Variants in KLHL32 observed in about 807,000 individuals in gnomAD.
The protein encoded by KLHL32 is kelch-like protein 32.
In KLHL32, 35 loss-of-function variants were observed where a neutral mutation model predicts 64.8. The observed-to-expected ratio is 0.54, with a 90% confidence interval of 0.41 to 0.72. The LOEUF is 0.72. Among genes scored for constraint, KLHL32 ranks in the 30% least tolerant of loss-of-function variants. The pLI, the probability that KLHL32 is intolerant of heterozygous loss-of-function variation, is 0.00. For missense variants in KLHL32, 589 were observed against 768.5 expected (o/e 0.77, Z 2.76); for synonymous variants, 259 against 281.0 (o/e 0.92, Z 0.78).
intron 6 of KLHL32, among the ~76,000 whole-genome samples, chr6:97,089,732 AT>A (rs1426026372): frequency 6.7e-6 from 1 of 150,146 alleles, no homozygotes; most frequent in Non-Finnish European, 1.5e-5. Context: ...GCGAGTGGAG[AT>A]TGCGCCACTA....
At chr6:97,040,066 T>C (rs926193047) in intron 3 of KLHL32, among the ~76,000 whole-genome samples, 3 of 152,034 alleles carry the variant, frequency 2.0e-5, no homozygotes, top group African/African-American at 7.2e-5. Flanking sequence ...TGAATATTGA[T>C]ACATTGGCAA....
At chr6:97,003,150 C>T (rs1330850123) in intron 3 of KLHL32, among the ~76,000 whole-genome samples, 2 of 152,114 alleles carry the variant, frequency 1.3e-5, no homozygotes, top group Non-Finnish European at 2.9e-5. Flanking sequence ...TGTAACCTTG[C>T]CAGCATCTGT....
At chr6:97,013,235 T>C (rs1218348646) in intron 3 of KLHL32, among the ~76,000 whole-genome samples, 1 of 152,228 alleles carries the variant, frequency 6.6e-6, no homozygotes, top group African/African-American at 2.4e-5. Context: ...TAATATCCAG[T>C]GTATTTCAGC....
At chr6:96,911,824 CTTTTTTTTT>C in the KLHL32 span, among the ~76,000 whole-genome samples, 2,280 of 53,996 alleles carry the variant, frequency 0.042, 24 homozygotes, top group Non-Finnish European at 0.059. Flanking sequence ...CTCGGTCCTT[CTTTTTTTTT>C]TTTTTTTTTT....
chr6:97,034,506 T>A (rs916698563), intron 3 of KLHL32, among the ~76,000 whole-genome samples: 1 of 152,096 alleles, frequency 6.6e-6, no homozygotes, highest in African/African-American at 2.4e-5. Flanking sequence ...TCTTTTGTGG[T>A]TTCATTTGAT....
intron 7 of KLHL32, among the ~76,000 whole-genome samples, chr6:97,120,490 C>T (rs189281319): frequency 1.6e-3 from 239 of 152,238 alleles, no homozygotes; most frequent in Non-Finnish European, 1.4e-3. Context: ...TTTCAAATTT[C>T]TGTCGTTTTA....
At chr6:97,052,728 C>G (rs1480505896) in intron 4 of KLHL32, among the ~76,000 whole-genome samples, 1 of 152,114 alleles carries the variant, frequency 6.6e-6, no homozygotes, top group Non-Finnish European at 1.5e-5. Flanking sequence ...AGTATTGACT[C>G]GATTGAGAAG....
intron 1 of KLHL32, among the ~76,000 whole-genome samples, chr6:96,948,287 T>C (rs1404533473): frequency 1.3e-5 from 2 of 152,156 alleles, no homozygotes; most frequent in Non-Finnish European, 1.5e-5. Context: ...GGAAAGTTAT[T>C]TCACCTTGTA....
At chr6:97,007,275 A>G (rs1391801493) in intron 3 of KLHL32, among the ~76,000 whole-genome samples, 1 of 152,062 alleles carries the variant, frequency 6.6e-6, no homozygotes, top group African/African-American at 2.4e-5. Flanking sequence ...CTTTGGCTTC[A>G]TCATTTCTGC....
chr6:97,081,579 C>T (rs1191584295), intron 5 of KLHL32, among the ~76,000 whole-genome samples: 2 of 152,178 alleles, frequency 1.3e-5, no homozygotes, highest in East Asian at 1.9e-4. Context: ...GGATGCTCTT[C>T]CTTCAACTCT....
intron 7 of KLHL32, 137 bp from the exon 8 acceptor site, chr6:97,127,267 T>C (rs1798969849): frequency 3.1e-6 from 2 of 654,114 alleles, no homozygotes; most frequent in Non-Finnish European, 5.3e-6. Context: ...TTCTTAATTA[T>C]GTCATGGGCT....
intron 3 of KLHL32, among the ~76,000 whole-genome samples, chr6:96,986,643 G>T (rs906817965): frequency 1.3e-5 from 2 of 152,192 alleles, no homozygotes; most frequent in African/African-American, 4.8e-5. Context: ...CAATGAGCGA[G>T]GCTTCGTGGG....
intron 6 of KLHL32, among the ~76,000 whole-genome samples, chr6:97,091,531 G>A (rs1403282442): frequency 6.6e-6 from 1 of 152,178 alleles, no homozygotes; most frequent in Non-Finnish European, 1.5e-5. Flanking sequence ...CTGATGTGGG[G>A]CTTTCCGCTT....
At chr6:96,919,914 C>T (rs547038560), upstream of KLHL32, among the ~76,000 whole-genome samples, 140 of 152,320 alleles carry the variant, frequency 9.2e-4, 1 homozygote, top group African/African-American at 3.3e-3. Flanking sequence ...TTTTATAAAA[C>T]TTGCCTCAGT....
intron 7 of KLHL32, among the ~76,000 whole-genome samples, chr6:97,116,691 C>T (rs1297818856): frequency 1.3e-5 from 2 of 152,108 alleles, no homozygotes; most frequent in Admixed American, 6.6e-5. Context: ...TCAGTGAGGC[C>T]TTAAGAAAGC....
chr6:97,009,191 TTGGTGA>T (rs765699894), intron 3 of KLHL32, among the ~76,000 whole-genome samples: 43 of 151,344 alleles, frequency 2.8e-4, no homozygotes, highest in Non-Finnish European at 4.7e-4. Flanking sequence ...TTTACTAGTA[TTGGTGA>T]TGGTATCTAG....
intron 3 of KLHL32, among the ~76,000 whole-genome samples, chr6:97,029,287 G>A (rs1418778701): frequency 6.6e-6 from 1 of 152,170 alleles, no homozygotes; most frequent in Non-Finnish European, 1.5e-5. Context: ...GGAAGCAACT[G>A]TGCCAAGAGC....
the KLHL32 span, among the ~76,000 whole-genome samples, chr6:96,917,483 G>A: frequency 6.6e-6 from 1 of 152,224 alleles, no homozygotes; most frequent in Admixed American, 6.5e-5. Context: ...TTATCAGAAG[G>A]AGGATGAGGT....
At chr6:97,061,650 T>C (rs1169929831) in intron 4 of KLHL32, among the ~76,000 whole-genome samples, 1 of 152,198 alleles carries the variant, frequency 6.6e-6, no homozygotes. Context: ...GTTTCTGAAA[T>C]ACCTAAATAT....
Sources: allele counts gnomAD v4.1 joint callset (sites outside exome capture counted in the v4.1 genomes callset), GRCh38; gene constraint gnomAD v4.1.1; transcripts MANE v1.5; gene names NCBI Gene and HGNC (gene_info 2026-07-23, HGNC 2026-07-21).